MICAL2: variants seen among roughly 807,000 people sequenced by gnomAD.
MICAL2 encodes microtubule associated monooxygenase, calponin and LIM domain containing 2.
Under a neutral mutation model 127.3 loss-of-function variants are expected in MICAL2, and 77 were observed. That is an observed-to-expected ratio of 0.60 (90% CI 0.50 to 0.73). MICAL2 has a LOEUF of 0.73. Among genes scored for constraint, MICAL2 ranks in the 30% least tolerant of loss-of-function variants. The pLI is 0.00. For synonymous variants in MICAL2, 570 were observed against 551.1 expected (o/e 1.03, Z -0.48); for missense variants, 1,351 against 1,434.4 (o/e 0.94, Z 0.94).
rs370855282 is a variant in MICAL2, at chr11:12,224,769, G to A, written c.1637G>A (p.Arg546His). The change falls in exon 13 of 28, where the codon CGC becomes CAC. Residue 546 changes from arginine to histidine, a missense_variant. Arg to His is a conservative substitution (Grantham distance 29, BLOSUM62 0). Transcript: ENST00000683283. ...VNVTDLTTSWRSGLALCAIIH... is the reference protein window; with the variant it reads ...VNVTDLTTSWHSGLALCAIIH... The stretch of plus-strand genomic sequence containing the variant: ...GTCACCGACCTGACCACATCCTGGC[G>A]CAGTGGGTTGGCCCTGTGTGCCATC... The A allele has an allele frequency of 1.3e-4, 203 of 1,614,204 alleles. No homozygotes were observed. Among genetic ancestry groups the A allele is most frequent in the Middle Eastern group, 6.6e-4 (4 of 6,062 alleles).
At position 12,321,607 on chromosome 11, in the gene MICAL2, C is replaced by A. The variant is rs868035799; in HGVS notation, c.5328+1796C>A. Reference sequence around the variant, plus strand: ...GCGTCTTTCCCTCTCTGCATCATCACCATCAGTGAGGATATAAGAACTGTG... The same window carrying A: ...GCGTCTTTCCCTCTCTGCATCATCAACATCAGTGAGGATATAAGAACTGTG... On this transcript the variant is annotated intron_variant, in intron 30 of 34. Transcript: ENST00000646065. Among the ~76,000 whole-genome samples the A allele has an allele frequency of 2.0e-5, 3 of 152,098 alleles. No homozygotes were observed. In the South Asian group the frequency reaches 6.2e-4, roughly 32 times the overall value.
downstream of MICAL2, among the ~76,000 whole-genome samples, chr11:12,360,183 C>CACCT (rs1285390701): frequency 3.8e-4 from 23 of 60,768 alleles, no homozygotes; most frequent in African/African-American, 6.5e-4. Flanking sequence ...TATGAGGAGG[C>CACCT]ACCTACCTAC....
intron 12 of MICAL2, among the ~76,000 whole-genome samples, chr11:12,224,133 C>T (rs941868113): frequency 6.6e-6 from 1 of 152,184 alleles, no homozygotes; most frequent in Non-Finnish European, 1.5e-5. Flanking sequence ...TTTACTGTTA[C>T]GCAAACATAG....
intron 32 of MICAL2, among the ~76,000 whole-genome samples, chr11:12,330,803 GAC>G (rs1565307251): frequency 5.5e-4 from 78 of 143,098 alleles, no homozygotes; most frequent in African/African-American, 1.8e-3. Flanking sequence ...GAGAGAGAGA[GAC>G]AGAGAGAGAG....
chr11:12,111,866 C>A (rs1849635000), intron 1 of MICAL2, among the ~76,000 whole-genome samples: 1 of 152,194 alleles, frequency 6.6e-6, no homozygotes, highest in Admixed American at 6.5e-5. Flanking sequence ...CAGTGGCAGT[C>A]GACCCAACAA....
chr11:12,167,400 G>T, intron 3 of MICAL2, among the ~76,000 whole-genome samples: 1 of 152,190 alleles, frequency 6.6e-6, no homozygotes, highest in East Asian at 1.9e-4. Flanking sequence ...TCGAGGGCCA[G>T]ACGGCCCTAT....
At chr11:12,295,251 T>C (rs1401452833), downstream of MICAL2, among the ~76,000 whole-genome samples, 1 of 151,888 alleles carries the variant, frequency 6.6e-6, no homozygotes, top group African/African-American at 2.4e-5. Context: ...GTGATACTCA[T>C]GCCTCAGCCT....
At chr11:12,321,109 G>A (rs116223486) in intron 30 of MICAL2, among the ~76,000 whole-genome samples, 3,550 of 152,136 alleles carry the variant, frequency 0.023, 60 homozygotes, top group African/African-American at 0.035. Flanking sequence ...GCAAGACGGT[G>A]GTATTTAGGA....
At chr11:12,151,755 C>T (rs1853600348) in intron 2 of MICAL2, among the ~76,000 whole-genome samples, 1 of 152,120 alleles carries the variant, frequency 6.6e-6, no homozygotes, top group South Asian at 2.1e-4. Flanking sequence ...GCATGCGCCA[C>T]TCCTGCTTGG....
At chr11:12,223,162 A>G (rs1293982000) in intron 11 of MICAL2, among the ~76,000 whole-genome samples, 1 of 152,188 alleles carries the variant, frequency 6.6e-6, no homozygotes, top group Non-Finnish European at 1.5e-5. Context: ...TGAATTTTTA[A>G]AATTAGCTAA....
In MICAL2 at chr11:12,349,843, G is replaced by A. The variant is rs774561982; in HGVS notation, c.5521G>A (p.Gly1841Ser). Residue 1841 changes from glycine (G) to serine (S), a missense_variant, in exon 33 of 35, where the codon GGC becomes AGC. Coordinates refer to the MICAL2 transcript ENST00000646065. The stretch of plus-strand genomic sequence containing the variant: ...GCTGTTGATTTCTTAAGCAGATTCA[G>A]GCACACAGGATGAAGCACAGCTTTT... 18 of 1,613,926 alleles carry A rather than the reference G, an allele frequency of 1.1e-5. No individual in the cohort carries two copies. The Admixed American group carries it at 2.8e-4, about 25-fold the overall frequency.
chr11:12,229,452 C>T (rs542589266), intron 15 of MICAL2, among the ~76,000 whole-genome samples: 362 of 152,344 alleles, frequency 2.4e-3, no homozygotes, highest in African/African-American at 8.2e-3. Flanking sequence ...GCTTGTTCTA[C>T]CTCCAGCCCA....
intron 7 of MICAL2, among the ~76,000 whole-genome samples, chr11:12,215,195 A>G (rs1855986052): frequency 1.3e-5 from 2 of 152,212 alleles, no homozygotes; most frequent in Non-Finnish European, 2.9e-5. Flanking sequence ...TCCACGTTTC[A>G]GTGAACTTCC....
At chr11:12,224,071 A>G (rs186496996) in intron 12 of MICAL2, among the ~76,000 whole-genome samples, 18 of 151,980 alleles carry the variant, frequency 1.2e-4, no homozygotes, top group African/African-American at 4.3e-4. Context: ...TCCCCTCCAC[A>G]CACCACGACA....
chr11:12,361,590 C>A (rs1243229357), downstream of MICAL2, among the ~76,000 whole-genome samples: 1 of 152,128 alleles, frequency 6.6e-6, no homozygotes, highest in African/African-American at 2.4e-5. Flanking sequence ...TCATTTAAAC[C>A]TTGACTTTGG....
chr11:12,354,562 TGGGG>T (rs1470279810), intron 33 of MICAL2, among the ~76,000 whole-genome samples: 1 of 151,816 alleles, frequency 6.6e-6, no homozygotes, highest in African/African-American at 2.4e-5. Context: ...CACTTGGACC[TGGGG>T]GGCGAAGGTT....
intron 32 of MICAL2, among the ~76,000 whole-genome samples, chr11:12,346,453 T>C (rs922315355): frequency 2.0e-5 from 3 of 152,230 alleles, no homozygotes; most frequent in Non-Finnish European, 4.4e-5. Flanking sequence ...ATCCCAAGTC[T>C]GAGTTTAAAG....
At chr11:12,191,996 A>G (rs1859217452) in intron 3 of MICAL2, among the ~76,000 whole-genome samples, 2 of 152,034 alleles carry the variant, frequency 1.3e-5, no homozygotes, top group African/African-American at 2.4e-5. Context: ...TTTCAGAGGT[A>G]CAAAAAATGG....
chr11:12,136,510 T>C (rs978035477), intron 1 of MICAL2, among the ~76,000 whole-genome samples: 1 of 152,082 alleles, frequency 6.6e-6, no homozygotes, highest in Non-Finnish European at 1.5e-5. Context: ...CTAAGTAGTT[T>C]TGTCGGTGTC....
Sources: allele counts gnomAD v4.1 joint callset (sites outside exome capture counted in the v4.1 genomes callset), GRCh38; gene constraint gnomAD v4.1.1; transcripts MANE v1.5; gene names NCBI Gene and HGNC (gene_info 2026-07-23, HGNC 2026-07-21).